ST6GALNAC5: variants seen among roughly 807,000 people sequenced by gnomAD.
ST6GALNAC5 encodes ST6 N-acetylgalactosaminide alpha-2,6-sialyltransferase 5, also known as alpha-N-acetylgalactosaminide alpha-2,6-sialyltransferase 5.
A neutral mutation model predicts 33.6 loss-of-function variants in ST6GALNAC5; 27 were observed. The ratio of observed to expected loss-of-function variants is 0.80; its 90% confidence interval spans 0.59 to 1.11. The LOEUF is 1.11. Ranked by LOEUF, ST6GALNAC5 falls within the 50% of genes least tolerant of loss-of-function variation. The pLI, the probability that ST6GALNAC5 is intolerant of heterozygous loss-of-function variation, is 0.00. For missense variants in ST6GALNAC5, 428 were observed against 454.0 expected (o/e 0.94, Z 0.52); for synonymous variants, 194 against 171.2 (o/e 1.13, Z -1.04).
chr1:77,016,391 C>G (rs759246910), intron 2 of ST6GALNAC5, among the ~76,000 whole-genome samples: 2 of 151,116 alleles, frequency 1.3e-5, no homozygotes, highest in Non-Finnish European at 2.9e-5. Flanking sequence ...TTTATTGATA[C>G]ATAATAATTA....
At chr1:76,892,006 A>T (rs1349190284) in intron 2 of ST6GALNAC5, among the ~76,000 whole-genome samples, 3 of 152,212 alleles carry the variant, frequency 2.0e-5, no homozygotes, top group South Asian at 2.1e-4. Context: ...AAGAATAATG[A>T]TCTGCTATTT....
chr1:76,890,961 C>T (rs1440433991), intron 2 of ST6GALNAC5, among the ~76,000 whole-genome samples: 1 of 152,044 alleles, frequency 6.6e-6, no homozygotes, highest in East Asian at 1.9e-4. Context: ...AAATGAAAAC[C>T]TCAATTCTCA....
At chr1:76,964,737 T>C (rs894581030) in intron 2 of ST6GALNAC5, among the ~76,000 whole-genome samples, 1 of 152,140 alleles carries the variant, frequency 6.6e-6, no homozygotes, top group Non-Finnish European at 1.5e-5. Context: ...TAGGTATTTC[T>C]CCTAATGCTA....
At chr1:77,018,177 A>T (rs940032640) in intron 2 of ST6GALNAC5, among the ~76,000 whole-genome samples, 6 of 152,232 alleles carry the variant, frequency 3.9e-5, no homozygotes, top group African/African-American at 1.2e-4. Flanking sequence ...AGCAGGAAGG[A>T]GAGTTCTAGA....
intron 2 of ST6GALNAC5, among the ~76,000 whole-genome samples, chr1:77,028,932 G>A (rs1651347702): frequency 6.6e-6 from 1 of 152,194 alleles, no homozygotes; most frequent in Non-Finnish European, 1.5e-5. Context: ...AAAAACTGCA[G>A]CTGGGACAGC....
chr1:77,037,664 G>T (rs1364906827), intron 2 of ST6GALNAC5, among the ~76,000 whole-genome samples: 1 of 152,066 alleles, frequency 6.6e-6, no homozygotes. Flanking sequence ...GACATAATTT[G>T]ATTTACATAT....
intron 3 of ST6GALNAC5, among the ~76,000 whole-genome samples, chr1:77,049,345 T>G (rs1652135123): frequency 6.6e-6 from 1 of 152,134 alleles, no homozygotes; most frequent in South Asian, 2.1e-4. Flanking sequence ...TGTTTGAAAC[T>G]GGCTAATGAG....
At chr1:77,006,707 A>G (rs1482266700) in intron 2 of ST6GALNAC5, among the ~76,000 whole-genome samples, 1 of 152,202 alleles carries the variant, frequency 6.6e-6, no homozygotes, top group Non-Finnish European at 1.5e-5. Context: ...ACCTATTGCT[A>G]TGCAACCAAC....
chr1:77,044,909 T>C (rs935052093), intron 3 of ST6GALNAC5, among the ~76,000 whole-genome samples: 3 of 152,244 alleles, frequency 2.0e-5, no homozygotes, highest in Non-Finnish European at 4.4e-5. Flanking sequence ...AACAGCTTTA[T>C]TGCATTTCAT....
chr1:77,065,382 C>G lies in ST6GALNAC5; in HGVS notation c.*2176C>G, dbSNP rs1427582747. On this transcript the variant is annotated 3_prime_UTR_variant, in exon 5 of 5. Coordinates refer to ENST00000477717, the MANE Select transcript of ST6GALNAC5 (RefSeq NM_030965.3). ...TATTAAAAAAACCATCATGGTAGCT[C>G]CATCTCGTTTGTAACTTCTCCCTCT... The G allele has an allele frequency of 6.6e-6, 1 of 152,126 alleles. No homozygotes were observed. Among genetic ancestry groups the G allele is most frequent in the African/African-American group, 2.4e-5 (1 of 41,422 alleles). The allele number at this position is 152,126 out of a possible 1,614,324, so 9.4% of individuals were successfully genotyped here.
intron 2 of ST6GALNAC5, among the ~76,000 whole-genome samples, chr1:76,964,465 A>T (rs1329130855): frequency 6.6e-6 from 1 of 152,052 alleles, no homozygotes; most frequent in African/African-American, 2.4e-5. Flanking sequence ...TTTCTCTCTC[A>T]TGGGCCCCGA....
chr1:76,941,747 C>T (rs998527025), intron 2 of ST6GALNAC5, among the ~76,000 whole-genome samples: 2 of 152,034 alleles, frequency 1.3e-5, no homozygotes, highest in African/African-American at 2.4e-5. Flanking sequence ...GAGGAGCCTT[C>T]GGAAGGAGCC....
Position 77,062,987 on chromosome 1 carries a change from C to T in ST6GALNAC5, c.792C>T (p.His264=). Reference sequence around the variant, plus strand: ...TTTCCTCCTACAGGGATCCCAATCACCCTTCAGTACCTTATCATTATTATG... The same window carrying T: ...TTTCCTCCTACAGGGATCCCAATCATCCTTCAGTACCTTATCATTATTATG... The part of the protein sequence containing the change: ...VPPDFCRDPN[H]PSVPYHYYEP... The change falls in exon 5 of 5, where the codon CAC becomes CAT. Residue 264 remains histidine (H), a synonymous_variant. Coordinates refer to ENST00000477717, the MANE Select transcript of ST6GALNAC5 (RefSeq NM_030965.3). 6.2e-7 allele frequency: 1 copy of T among 1,613,258 alleles called. No individual in the cohort carries two copies. The highest frequency in any genetic ancestry group is 8.5e-7 in the Non-Finnish European group (1 of 1,179,426).
At chr1:77,018,267 T>A (rs1036965066) in intron 2 of ST6GALNAC5, among the ~76,000 whole-genome samples, 4 of 152,166 alleles carry the variant, frequency 2.6e-5, no homozygotes, top group Non-Finnish European at 5.9e-5. Context: ...TTCTAAGTCT[T>A]TATAGATCAT....
chr1:76,965,911 G>C (rs1398721890), intron 2 of ST6GALNAC5, among the ~76,000 whole-genome samples: 1 of 152,170 alleles, frequency 6.6e-6, no homozygotes, highest in African/African-American at 2.4e-5. Flanking sequence ...AAGATCAGAT[G>C]GTTGTAGATG....
chr1:76,872,680 A>T (rs1242118937), intron 2 of ST6GALNAC5, among the ~76,000 whole-genome samples: 1 of 152,216 alleles, frequency 6.6e-6, no homozygotes, highest in African/African-American at 2.4e-5. Flanking sequence ...AAGTATATAA[A>T]TTATCAAACA....
intron 2 of ST6GALNAC5, among the ~76,000 whole-genome samples, chr1:77,039,890 G>A (rs1043585430): frequency 3.3e-5 from 5 of 152,150 alleles, no homozygotes; most frequent in Admixed American, 6.5e-5. Flanking sequence ...CCAGGCCGAC[G>A]GGCAGAGATT....
At chr1:77,028,884 A>G (rs558074698) in intron 2 of ST6GALNAC5, among the ~76,000 whole-genome samples, 3 of 152,218 alleles carry the variant, frequency 2.0e-5, no homozygotes, top group Non-Finnish European at 4.4e-5. Context: ...CTGAATAAGT[A>G]GCTTTTACAT....
At chr1:76,912,263 A>G (rs1342581761) in intron 2 of ST6GALNAC5, among the ~76,000 whole-genome samples, 2 of 151,942 alleles carry the variant, frequency 1.3e-5, no homozygotes, top group African/African-American at 2.4e-5. Context: ...CCTGAGTTCT[A>G]GTTTGATTGC....
Sources: gnomAD v4.1 joint callset for allele counts (sites outside exome capture counted in the v4.1 genomes callset) on GRCh38, gnomAD v4.1.1 for gene constraint, MANE v1.5 for transcripts, NCBI Gene and HGNC (gene_info 2026-07-23, HGNC 2026-07-21) for gene names.